Variants in SLC25A21 observed in about 807,000 individuals in gnomAD.
The protein encoded by SLC25A21 is mitochondrial 2-oxodicarboxylate carrier.
In SLC25A21, 47 loss-of-function variants were observed where a neutral mutation model predicts 43.8. That is an observed-to-expected ratio of 1.07 (90% confidence interval 0.85 to 1.37). The LOEUF is 1.37. Ranked by LOEUF, SLC25A21 falls within the 40% of genes most tolerant of loss-of-function variation. The probability of loss-of-function intolerance (pLI) is 0.00; values close to 1 mark genes in which losing one functional copy is unlikely to be tolerated. For synonymous variants in SLC25A21, 131 were observed against 121.3 expected (o/e 1.08, Z -0.52); for missense variants, 352 against 350.2 (o/e 1.00, Z -0.04).
At chr14:37,044,057 T>C (rs1368019328) in intron 1 of SLC25A21, among the ~76,000 whole-genome samples, 1 of 151,766 alleles carries the variant, frequency 6.6e-6, no homozygotes, top group African/African-American at 2.4e-5. Flanking sequence ...GTGCTGGGAT[T>C]ACAGGCTTGA....
At chr14:36,892,781 G>A (rs1466583033) in intron 1 of SLC25A21, among the ~76,000 whole-genome samples, 1 of 151,760 alleles carries the variant, frequency 6.6e-6, no homozygotes, top group African/African-American at 2.4e-5. Flanking sequence ...TCCCACCTAT[G>A]AGTGAGAACA....
At chr14:36,853,721 A>G (rs1287418550) in intron 2 of SLC25A21, among the ~76,000 whole-genome samples, 1 of 152,192 alleles carries the variant, frequency 6.6e-6, no homozygotes, top group Non-Finnish European at 1.5e-5. Context: ...GTTCTGCTGG[A>G]CCAGCGACAA....
intron 1 of SLC25A21, among the ~76,000 whole-genome samples, chr14:36,994,516 G>A (rs929860731): frequency 6.6e-6 from 1 of 152,190 alleles, no homozygotes; most frequent in Admixed American, 6.6e-5. Context: ...TCTGTCTGCA[G>A]TTGGACCCTT....
At chr14:36,804,021 G>A (rs1021902628) in intron 3 of SLC25A21, among the ~76,000 whole-genome samples, 2 of 152,134 alleles carry the variant, frequency 1.3e-5, no homozygotes, top group Non-Finnish European at 2.9e-5. Flanking sequence ...TAGAATGATG[G>A]TGCCACATGT....
rs1960779761 is a variant in SLC25A21, at chr14:37,013,579, T to G, written c.71-138575A>C. ...GACAACAAAACACTGATTTCTAAATTGCCCTCCAAAAACTACACCTAATAT... is the reference window on the plus strand; with the variant it reads ...GACAACAAAACACTGATTTCTAAATGGCCCTCCAAAAACTACACCTAATAT... On this transcript the variant is annotated intron_variant, in intron 1 of 9. Transcript: ENST00000331299. 2.6e-5 allele frequency among the ~76,000 whole-genome samples: 4 copies of G among 152,174 alleles called. No individual in the cohort carries two copies. In the South Asian group the frequency reaches 6.2e-4, roughly 24 times the overall value.
At chr14:37,079,893 G>A (rs1422251400) in intron 1 of SLC25A21, among the ~76,000 whole-genome samples, 1 of 152,174 alleles carries the variant, frequency 6.6e-6, no homozygotes, top group African/African-American at 2.4e-5. Flanking sequence ...GGGGCTTGTG[G>A]TAGGGGATTA....
chr14:36,730,283 T>C (rs1405718392), intron 4 of SLC25A21, among the ~76,000 whole-genome samples: 1 of 152,230 alleles, frequency 6.6e-6, no homozygotes, highest in African/African-American at 2.4e-5. Flanking sequence ...ATCTAATCAA[T>C]TGCTTCATAT....
At chr14:36,997,329 G>A (rs183261026) in intron 1 of SLC25A21, among the ~76,000 whole-genome samples, 7 of 152,248 alleles carry the variant, frequency 4.6e-5, no homozygotes, top group South Asian at 2.1e-4. Flanking sequence ...TTTCTCAACA[G>A]GTGATCAAAA....
At chr14:37,070,707 T>C (rs1962153222) in intron 1 of SLC25A21, among the ~76,000 whole-genome samples, 1 of 152,196 alleles carries the variant, frequency 6.6e-6, no homozygotes, top group Non-Finnish European at 1.5e-5. Context: ...GTGCAGGGCA[T>C]TACAAGGTAA....
At chr14:36,823,078 C>T (rs1276862069) in intron 2 of SLC25A21, among the ~76,000 whole-genome samples, 3 of 152,018 alleles carry the variant, frequency 2.0e-5, no homozygotes, top group South Asian at 2.1e-4. Context: ...GAGTTTATTC[C>T]ACCCTCTGGC....
At chr14:36,694,181 T>G (rs1594494284) in intron 7 of SLC25A21, among the ~76,000 whole-genome samples, 1 of 152,002 alleles carries the variant, frequency 6.6e-6, no homozygotes, top group Non-Finnish European at 1.5e-5. Context: ...TCTGTCCTTG[T>G]GATAGTTTGG....
At chr14:36,773,370 G>T (rs1010799285) in intron 3 of SLC25A21, among the ~76,000 whole-genome samples, 3 of 152,060 alleles carry the variant, frequency 2.0e-5, no homozygotes, top group Admixed American at 2.0e-4. Flanking sequence ...ACCCCTAAAG[G>T]CTTATAACTG....
chr14:37,118,109 C>T (rs66862591), intron 1 of SLC25A21, among the ~76,000 whole-genome samples: 18,576 of 152,064 alleles, frequency 0.12, 2,853 homozygotes, highest in African/African-American at 0.36. Context: ...ATTATACTAA[C>T]GTACAGATGT....
chr14:36,800,003 T>G (rs59636964), intron 3 of SLC25A21, among the ~76,000 whole-genome samples: 4,335 of 152,260 alleles, frequency 0.028, 177 homozygotes, highest in African/African-American at 0.096. Context: ...AAGTCATACT[T>G]TTAATGGCAA....
chr14:36,782,515 T>C (rs1887102022), intron 3 of SLC25A21, among the ~76,000 whole-genome samples: 1 of 152,170 alleles, frequency 6.6e-6, no homozygotes, highest in Non-Finnish European at 1.5e-5. Flanking sequence ...TATTGCTATC[T>C]TTGCATTTGA....
At chr14:36,760,312 T>C (rs779341792) in intron 3 of SLC25A21, among the ~76,000 whole-genome samples, 1 of 146,926 alleles carries the variant, frequency 6.8e-6, no homozygotes, top group Non-Finnish European at 1.5e-5. Flanking sequence ...TATTGCCATG[T>C]TGATTTAGGC....
chr14:37,050,958 T>C (rs2138797440), intron 1 of SLC25A21, among the ~76,000 whole-genome samples: 1 of 152,362 alleles, frequency 6.6e-6, no homozygotes, highest in African/African-American at 2.4e-5. Context: ...TATTTACTTT[T>C]CAGGTTAATA....
chr14:37,095,816 A>AGG (rs1555346614), intron 1 of SLC25A21, among the ~76,000 whole-genome samples: 6 of 34,732 alleles, frequency 1.7e-4, no homozygotes, highest in African/African-American at 3.8e-4. Flanking sequence ...ACACACGCGC[A>AGG]CGCACACACA....
intron 1 of SLC25A21, among the ~76,000 whole-genome samples, chr14:36,877,446 C>A (rs539370384): frequency 2.0e-5 from 3 of 152,212 alleles, no homozygotes; most frequent in African/African-American, 7.2e-5. Context: ...ATTTTCAATC[C>A]CCTATGATGG....
Sources: allele counts gnomAD v4.1 joint callset (sites outside exome capture counted in the v4.1 genomes callset), GRCh38; gene constraint gnomAD v4.1.1; transcripts MANE v1.5; gene names NCBI Gene and HGNC (gene_info 2026-07-23, HGNC 2026-07-21).